The following COG5 variants were observed in gnomAD, a reference collection of about 807,000 sequenced individuals.
COG5 encodes conserved oligomeric Golgi complex subunit 5.
In COG5, 86 loss-of-function variants were observed where a neutral mutation model predicts 110.4. That is an observed-to-expected ratio of 0.78 (90% CI 0.65 to 0.93). COG5 has a LOEUF of 0.93. Ranked by LOEUF, COG5 falls within the 40% of genes least tolerant of loss-of-function variation. COG5 has a pLI of 0.00. For missense variants in COG5, 1,077 were observed against 987.0 expected (o/e 1.09, Z -1.22); for synonymous variants, 360 against 334.6 (o/e 1.08, Z -0.83).
intron 10 of COG5, among the ~76,000 whole-genome samples, chr7:107,343,918 A>G (rs1811384148): frequency 6.6e-6 from 1 of 151,600 alleles, no homozygotes. Flanking sequence ...TAAAATGTTC[A>G]GCATACCACA....
intron 10 of COG5, among the ~76,000 whole-genome samples, chr7:107,350,598 G>C (rs1038806868): frequency 6.6e-6 from 1 of 152,128 alleles, no homozygotes; most frequent in African/African-American, 2.4e-5. Context: ...TAGTTTATGA[G>C]ATTGGCAATT....
intron 12 of COG5, 30 bp from the exon 13 acceptor site, chr7:107,283,762 C>T (rs756031924): frequency 6.4e-7 from 1 of 1,550,658 alleles, no homozygotes; most frequent in African/African-American, 1.4e-5. Context: ...TAAAAACTAA[C>T]TTAAATTGCA....
intron 10 of COG5, among the ~76,000 whole-genome samples, chr7:107,335,121 T>C (rs1810594482): frequency 2.0e-5 from 3 of 152,218 alleles, no homozygotes. Context: ...GTAAAGTTTT[T>C]AAAGTTTTTT....
chr7:107,327,889 G>T (rs780991195), intron 10 of COG5, among the ~76,000 whole-genome samples: 2 of 152,158 alleles, frequency 1.3e-5, no homozygotes, highest in Non-Finnish European at 1.5e-5. Context: ...AAACATTAGG[G>T]AGGTTGCTCA....
At chr7:107,492,790 C>A (rs956881075) in intron 6 of COG5, among the ~76,000 whole-genome samples, 2 of 152,272 alleles carry the variant, frequency 1.3e-5, no homozygotes, top group Admixed American at 6.5e-5. Context: ...TTTAAACGTA[C>A]CTGCCAAGAC....
chr7:107,273,752 G>A (rs529290146), intron 14 of COG5, among the ~76,000 whole-genome samples: 61 of 151,928 alleles, frequency 4.0e-4, no homozygotes, highest in Middle Eastern at 3.4e-3. Context: ...TATTTTCTAG[G>A]GTGGGTGTGG....
At position 107,527,266 on chromosome 7, in the gene COG5, G is replaced by C. The variant is rs1465629820; in HGVS notation, c.509C>G (p.Thr170Arg). Residue 170 changes from threonine to arginine, a missense_variant, in exon 6 of 22, where the codon ACA (threonine) becomes AGA (arginine). Thr to Arg is a moderately conservative substitution (Grantham distance 71). Transcript: ENST00000297135. ...TTCATTGAGACTCTGAGCAGCTTTTGTTATCTCTCTACTTCCCCCTTGCAG... is the reference window on the plus strand; with the variant it reads ...TTCATTGAGACTCTGAGCAGCTTTTCTTATCTCTCTACTTCCCCCTTGCAG... ...GQLQGGSREI[T>R]KAAQSLNELD... 1 of 1,602,156 alleles carries C rather than the reference G, an allele frequency of 6.2e-7. No homozygotes were observed. Among genetic ancestry groups the C allele is most frequent in the Admixed American group, 1.7e-5 (1 of 59,194 alleles).
chr7:107,453,257 A>G (rs1457338602), intron 6 of COG5, among the ~76,000 whole-genome samples: 1 of 152,208 alleles, frequency 6.6e-6, no homozygotes, highest in Admixed American at 6.5e-5. Context: ...TCTCATATTA[A>G]TATAGTACAT....
At chr7:107,453,802 C>T (rs1004202319) in intron 6 of COG5, among the ~76,000 whole-genome samples, 4 of 152,098 alleles carry the variant, frequency 2.6e-5, no homozygotes, top group African/African-American at 9.7e-5. Flanking sequence ...TACCAATAAA[C>T]TGTCTTTATT....
intron 2 of COG5, among the ~76,000 whole-genome samples, chr7:107,554,770 T>C (rs1461515566): frequency 6.6e-6 from 1 of 152,096 alleles, no homozygotes; most frequent in African/African-American, 2.4e-5. Flanking sequence ...ACAGTCTTCC[T>C]CGGGCCTCTC....
At chr7:107,439,955 C>A (rs947775152) in intron 6 of COG5, among the ~76,000 whole-genome samples, 1 of 152,156 alleles carries the variant, frequency 6.6e-6, no homozygotes, top group African/African-American at 2.4e-5. Context: ...TCATTGTAAT[C>A]GACACACTGT....
At chr7:107,324,392 A>G in intron 11 of COG5, 48 bp downstream of exon 11, 1 of 1,215,720 alleles carries the variant, frequency 8.2e-7, no homozygotes, top group South Asian at 1.3e-5. Flanking sequence ...AAATGATAAA[A>G]TAACTTAAAA....
chr7:107,211,070 A>G, intron 20 of COG5, 29 bp downstream of exon 20: 1 of 1,613,104 alleles, frequency 6.2e-7, no homozygotes, highest in African/African-American at 1.3e-5. Flanking sequence ...AGAGTCACAA[A>G]AGGGTTCTGG....
chr7:107,281,290 A>G lies in COG5; in HGVS notation c.1575+10T>C. 6.4e-7 allele frequency: 1 copy of G among 1,574,776 alleles called. No individual in the cohort carries two copies. On this transcript the variant is annotated intron_variant, in intron 14 of 21. Transcript: ENST00000297135. ...ATCATTAAAGTTTACAGATAAAGGA[A>G]ACCACTTACAAGCTGCTCTGATTTT... is the stretch of plus-strand genomic sequence containing the variant.
rs1243205112 is a variant in COG5 at position 107,512,874 on chromosome 7, T to C, written c.538+14363A>G. Among the ~76,000 whole-genome samples, 14 of 151,284 alleles carry C rather than the reference T, an allele frequency of 9.3e-5. No homozygotes were observed. In the East Asian group the frequency reaches 1.7e-3, roughly 19 times the overall value. ...GAAAGCTGAAACTGGATCCCTTCCT[T>C]ACACCTTATACAAAAATTAATTCAA... On this transcript the variant is annotated intron_variant, in intron 6 of 21. Transcript: ENST00000297135.
At chr7:107,304,330 C>T (rs1364504953) in intron 11 of COG5, among the ~76,000 whole-genome samples, 2 of 152,154 alleles carry the variant, frequency 1.3e-5, no homozygotes, top group African/African-American at 4.8e-5. Context: ...TAGCCCTGAA[C>T]ACTGTAAGAA....
At chr7:107,470,184 A>G (rs1373833700) in intron 6 of COG5, 2 of 152,230 alleles carry the variant, frequency 1.3e-5, no homozygotes, top group Non-Finnish European at 2.9e-5. Context: ...TACTTTCATT[A>G]TGTATTTTCA....
At chr7:107,353,475 T>G (rs1046031567) in intron 10 of COG5, among the ~76,000 whole-genome samples, 1 of 149,746 alleles carries the variant, frequency 6.7e-6, no homozygotes, top group East Asian at 2.0e-4. Flanking sequence ...AAAAATAATA[T>G]TCAACGTTAA....
intron 7 of COG5, among the ~76,000 whole-genome samples, chr7:107,391,148 T>G (rs1272679674): frequency 1.3e-5 from 2 of 152,070 alleles, no homozygotes; most frequent in African/African-American, 2.4e-5. Context: ...GATGTTTACT[T>G]GAAACTTTTG....
Sources: gnomAD v4.1 joint callset for allele counts (sites outside exome capture counted in the v4.1 genomes callset) on GRCh38, gnomAD v4.1.1 for gene constraint, MANE v1.5 for transcripts, NCBI Gene and HGNC (gene_info 2026-07-23, HGNC 2026-07-21) for gene names.